Variants in PTPRD observed in about 807,000 individuals in gnomAD.
PTPRD encodes the protein receptor-type tyrosine-protein phosphatase delta.
PTPRD carries 34 observed loss-of-function variants against 214.5 expected under a neutral mutation model. The observed-to-expected ratio is 0.16, with a 90% CI of 0.12 to 0.21. The LOEUF is 0.21. PTPRD is among the 10% of genes least tolerant of loss of function. PTPRD has a pLI of 1.00. For missense variants in PTPRD, 2,545 were observed against 2,398.7 expected, an observed-to-expected ratio of 1.06 and a Z score of -1.27; for synonymous variants, 1,128 against 845.7, an observed-to-expected ratio of 1.33 and a Z score of -5.79.
chr9:10,180,292 A>C (rs532937635), intron 3 of PTPRD, among the ~76,000 whole-genome samples: 28 of 152,194 alleles, frequency 1.8e-4, no homozygotes, highest in African/African-American at 6.7e-4. Context: ...TAAAAGAAAC[A>C]ATATGTCCAC....
At chr9:9,029,133 G>C (rs2099596630) in intron 10 of PTPRD, among the ~76,000 whole-genome samples, 1 of 151,408 alleles carries the variant, frequency 6.6e-6, no homozygotes, top group Non-Finnish European at 1.5e-5. Context: ...AGCTATATTG[G>C]GTAAATATAA....
intron 8 of PTPRD, among the ~76,000 whole-genome samples, chr9:9,523,569 C>T (rs1041294851): frequency 2.0e-5 from 3 of 152,174 alleles, no homozygotes; most frequent in Non-Finnish European, 4.4e-5. Flanking sequence ...GTCTTCCCTT[C>T]CTCACAGAAG....
At chr9:9,556,516 T>C (rs563620384) in intron 8 of PTPRD, among the ~76,000 whole-genome samples, 18 of 152,362 alleles carry the variant, frequency 1.2e-4, no homozygotes, top group Non-Finnish European at 1.9e-4. Context: ...CCTAGAAGTC[T>C]ATCAATTGTG....
chr9:9,217,431 T>C (rs1442671461), intron 9 of PTPRD, among the ~76,000 whole-genome samples: 1 of 152,162 alleles, frequency 6.6e-6, no homozygotes, highest in African/African-American at 2.4e-5. Flanking sequence ...TTTGAACTAG[T>C]GTTCCTTGGA....
intron 2 of PTPRD, among the ~76,000 whole-genome samples, chr9:10,607,867 G>C (rs973947777): frequency 6.6e-6 from 1 of 151,626 alleles, no homozygotes; most frequent in Non-Finnish European, 1.5e-5. Flanking sequence ...TTAATGTATT[G>C]TATCCTACAA....
At chr9:9,401,339 T>C (rs895274606) in intron 8 of PTPRD, among the ~76,000 whole-genome samples, 3 of 152,026 alleles carry the variant, frequency 2.0e-5, no homozygotes, top group Non-Finnish European at 4.4e-5. Context: ...AATCCCCCTC[T>C]TTTCTAATTA....
At chr9:8,539,939 G>C (rs1356339773) in intron 14 of PTPRD, among the ~76,000 whole-genome samples, 4 of 152,058 alleles carry the variant, frequency 2.6e-5, no homozygotes, top group African/African-American at 7.2e-5. Flanking sequence ...GCGGATCTAA[G>C]AATTAGATGG....
At chr9:8,500,384 A>T (rs1304225304) in intron 24 of PTPRD, among the ~76,000 whole-genome samples, 1 of 151,794 alleles carries the variant, frequency 6.6e-6, no homozygotes, top group Non-Finnish European at 1.5e-5. Flanking sequence ...ACAAAAAGGT[A>T]AGAAGGTAGT....
At chr9:9,858,323 A>G (rs10816212) in intron 5 of PTPRD, among the ~76,000 whole-genome samples, 19,958 of 152,208 alleles carry the variant, frequency 0.13, 1,658 homozygotes, top group Non-Finnish European at 0.18. Flanking sequence ...ATGGAAACAT[A>G]TCTGATTTTA....
chr9:9,913,820 C>T (rs2079906150), intron 5 of PTPRD, among the ~76,000 whole-genome samples: 1 of 152,132 alleles, frequency 6.6e-6, no homozygotes, highest in Admixed American at 6.6e-5. Context: ...TGTACTCTCT[C>T]CCTCCACCTC....
chr9:9,051,564 C>G (rs2099685566), intron 10 of PTPRD, among the ~76,000 whole-genome samples: 1 of 152,044 alleles, frequency 6.6e-6, no homozygotes, highest in Non-Finnish European at 1.5e-5. Context: ...AAATCAACAG[C>G]AATTTCAGGA....
chr9:9,570,955 G>T (rs763178688), intron 8 of PTPRD, among the ~76,000 whole-genome samples: 1 of 151,188 alleles, frequency 6.6e-6, no homozygotes, highest in Non-Finnish European at 1.5e-5. Context: ...ACTGAAACAC[G>T]TTAGCTAACT....
chr9:10,130,422 C>G lies in PTPRD; in HGVS notation c.-544-96632G>C, dbSNP rs111976716. ...CCCATTAACCTATGTCATATTTGCCCTCTCTTTAGAGTGATAATGATGCCA... is the reference window on the plus strand; with the variant it reads ...CCCATTAACCTATGTCATATTTGCCGTCTCTTTAGAGTGATAATGATGCCA... On this transcript the variant is annotated intron_variant, in intron 3 of 45. Coordinates refer to ENST00000381196, the MANE Select transcript of PTPRD (RefSeq NM_002839.4). 3.2e-3 allele frequency among the ~76,000 whole-genome samples: 488 copies of G among 152,146 alleles called. 6 individuals are homozygous for G. Among genetic ancestry groups the G allele is most frequent in the Admixed American group, 0.017 (255 of 15,246 alleles).
chr9:9,465,875 T>C (rs1329379755), intron 8 of PTPRD, among the ~76,000 whole-genome samples: 1 of 152,052 alleles, frequency 6.6e-6, no homozygotes, highest in Non-Finnish European at 1.5e-5. Flanking sequence ...TGGATCTTGG[T>C]GGGTTTCTCC....
intron 5 of PTPRD, among the ~76,000 whole-genome samples, chr9:9,917,741 A>G (rs1387124045): frequency 6.6e-6 from 1 of 152,032 alleles, no homozygotes; most frequent in Non-Finnish European, 1.5e-5. Context: ...AAGATAACAC[A>G]CCATGATTAA....
chr9:9,727,980 T>TG (rs2098122322), intron 7 of PTPRD, among the ~76,000 whole-genome samples: 1 of 152,146 alleles, frequency 6.6e-6, no homozygotes, highest in South Asian at 2.1e-4. Context: ...CCATGTGTTG[T>TG]GAGAGGGACC....
intron 11 of PTPRD, among the ~76,000 whole-genome samples, chr9:8,769,264 C>T (rs1021985949): frequency 6.6e-6 from 1 of 152,174 alleles, no homozygotes; most frequent in Non-Finnish European, 1.5e-5. Flanking sequence ...TTTATTTACT[C>T]ACTCACTATT....
chr9:10,489,226 G>T (rs1377563197), intron 2 of PTPRD, among the ~76,000 whole-genome samples: 1 of 152,074 alleles, frequency 6.6e-6, no homozygotes, highest in African/African-American at 2.4e-5. Flanking sequence ...GTATCCTTCT[G>T]CCCCTGGGTG....
At chr9:9,743,248 T>A (rs933306393) in intron 6 of PTPRD, among the ~76,000 whole-genome samples, 7 of 152,124 alleles carry the variant, frequency 4.6e-5, no homozygotes, top group Non-Finnish European at 1.0e-4. Flanking sequence ...ATATTTCAGA[T>A]CCTTTGGAGG....
Sources: gnomAD v4.1 joint callset for allele counts (sites outside exome capture counted in the v4.1 genomes callset) on GRCh38, gnomAD v4.1.1 for gene constraint, MANE v1.5 for transcripts, NCBI Gene and HGNC (gene_info 2026-07-23, HGNC 2026-07-21) for gene names.